ABCB7: variants seen among roughly 807,000 people sequenced by gnomAD.
ABCB7 encodes the protein ATP binding cassette subfamily B member 7, also known as iron-sulfur clusters transporter ABCB7, mitochondrial.
A neutral mutation model predicts 54.4 loss-of-function variants in ABCB7; 7 were observed. That is an observed-to-expected ratio of 0.13 (90% confidence interval 0.07 to 0.24). The LOEUF is 0.24. ABCB7 is among the 10% of genes least tolerant of loss of function. ABCB7 has a pLI of 1.00. For synonymous variants in ABCB7, 218 were observed against 207.1 expected, an observed-to-expected ratio of 1.05 and a Z score of -0.45; for missense variants, 356 against 570.4, an observed-to-expected ratio of 0.62 and a Z score of 3.83.
intron 1 of ABCB7, among the ~76,000 whole-genome samples, chrX:75,117,381 G>A (rs1370173642): frequency 1.8e-5 from 2 of 110,958 alleles, no homozygotes; most frequent in African/African-American, 6.6e-5. Context: ...CTGACTTTGG[G>A]TAGGTCGGGT....
intron 4 of ABCB7, among the ~76,000 whole-genome samples, chrX:75,090,124 G>C (rs1387044046): frequency 1.8e-5 from 2 of 109,166 alleles, no homozygotes; most frequent in African/African-American, 3.3e-5. Flanking sequence ...TGATAGAATG[G>C]CAAGGAAAAA....
At chrX:75,104,449 T>C (rs1362352467) in intron 3 of ABCB7, among the ~76,000 whole-genome samples, 1 of 108,903 alleles carries the variant, frequency 9.2e-6, no homozygotes, top group African/African-American at 3.3e-5. Context: ...CTAGAGGAAA[T>C]ATATAAATTT....
intron 1 of ABCB7, among the ~76,000 whole-genome samples, chrX:75,141,173 C>A (rs371460979): frequency 2.7e-5 from 3 of 111,866 alleles, no homozygotes; most frequent in East Asian, 2.8e-4. Context: ...CAGGTTCTGG[C>A]AGCTGCTTCG....
intron 1 of ABCB7, among the ~76,000 whole-genome samples, chrX:75,144,060 T>A (rs5981775): frequency 0.029 from 3,220 of 111,679 alleles, 115 homozygotes; most frequent in African/African-American, 0.1. Context: ...GTGACAAATC[T>A]TGACAATGCT....
At chrX:75,062,872 G>A (rs1013084106) in intron 13 of ABCB7, among the ~76,000 whole-genome samples, 1 of 111,394 alleles carries the variant, frequency 9.0e-6, no homozygotes, top group Admixed American at 9.6e-5. Flanking sequence ...AACTGAATTC[G>A]TCTCTTAAGA....
At chrX:75,084,016 G>A (rs751216715) in intron 4 of ABCB7, among the ~76,000 whole-genome samples, 1 of 110,957 alleles carries the variant, frequency 9.0e-6, no homozygotes, top group East Asian at 2.8e-4. Flanking sequence ...AAGTAGGAGA[G>A]TCAAAGTTGA....
At chrX:75,147,149 T>A (rs1454983630) in intron 1 of ABCB7, among the ~76,000 whole-genome samples, 1 of 111,018 alleles carries the variant, frequency 9.0e-6, no homozygotes, top group East Asian at 2.8e-4. Context: ...ATGGCTAGTA[T>A]TAAAAAGTCA....
chrX:75,111,650 G>C (rs1203236863), intron 3 of ABCB7, among the ~76,000 whole-genome samples: 2 of 112,098 alleles, frequency 1.8e-5, no homozygotes. Context: ...ATTCCAATTC[G>C]ATAAAAAGGC....
intron 1 of ABCB7, 81 bp downstream of exon 1, chrX:75,156,024 G>T: frequency 9.2e-7 from 1 of 1,092,851 alleles, no homozygotes; most frequent in Non-Finnish European, 1.2e-6. Context: ...TGCTCTCTCT[G>T]CCCCGAGGTC....
In ABCB7 at chrX:75,104,560, G is replaced by A. The variant is rs190260785; in HGVS notation, c.334-5499C>T. ...AATTGAATCAGTAATAAAAAACCTC[G>A]AAACAAACAAACCCAAAAACCCCAG... is the stretch of plus-strand genomic sequence containing the variant. On this transcript the variant is annotated intron_variant, in intron 3 of 15. Coordinates refer to ENST00000373394, the MANE Select transcript of ABCB7 (RefSeq NM_001271696.3). Among the ~76,000 whole-genome samples the A allele has an allele frequency of 9.1e-5, 10 of 110,332 alleles. No homozygotes were observed. The East Asian group carries it at 2.6e-3, about 28-fold the overall frequency.
rs35020628 is a variant in ABCB7, at chrX:75,052,466, CAAA to C, written c.*901_*903del. The C allele has an allele frequency of 9.0e-5, 5 of 55,303 alleles. No individual in the cohort carries two copies. Among genetic ancestry groups the C allele is most frequent in the Non-Finnish European group, 7.7e-5 (2 of 25,936 alleles). 4.6% of individuals were successfully genotyped at this position (55,303 alleles called of 1,213,427 possible). On this transcript the variant is annotated 3_prime_UTR_variant, in exon 16 of 16. Transcript: ENST00000373394. ...TGGGAGAAAGAGCGAGACTCCGTCT[CAAA>C]AAAAAAAAAAAAAAAATTCTAAGTA...
intron 4 of ABCB7, among the ~76,000 whole-genome samples, chrX:75,086,775 C>T (rs771480002): frequency 1.8e-5 from 2 of 111,449 alleles, no homozygotes; most frequent in South Asian, 7.7e-4. Flanking sequence ...GCACTGGTCA[C>T]GAGGCCCCAC....
intron 1 of ABCB7, among the ~76,000 whole-genome samples, chrX:75,137,367 A>C (rs1239638380): frequency 8.9e-6 from 1 of 112,627 alleles, no homozygotes; most frequent in East Asian, 2.8e-4. Flanking sequence ...ATTACTAAAA[A>C]GTCAAAAAAT....
Position 75,070,488 on chromosome X carries a change from A to G in ABCB7, c.1242T>C (p.Asn414=), listed in dbSNP as rs1412818378. The G allele has an allele frequency of 8.3e-7, 1 of 1,211,045 alleles. No individual in the cohort carries two copies. Among genetic ancestry groups the G allele is most frequent in the East Asian group, 3.0e-5 (1 of 33,780 alleles). Residue 414 remains asparagine, a synonymous_variant, in exon 10 of 16, where the codon AAT becomes AAC. Transcript: ENST00000373394. ...TLTVGDLVMV[N]GLLFQLSLPL... is the part of the protein sequence containing the mutation. ...GTAATGAAAGCTGAAAAAGCAGTCC[A>G]TTCACCATTACTAGATCTCCAACAG...
At chrX:75,071,398 G>A in intron 9 of ABCB7, 111 bp downstream of exon 9, 1 of 882,098 alleles carries the variant, frequency 1.1e-6, no homozygotes, top group Non-Finnish European at 1.7e-6. Flanking sequence ...CCAAGGATGT[G>A]AAAGCACTTT....
At position 75,076,560 on chromosome X, in the gene ABCB7, T is replaced by C; in HGVS notation, c.548A>G (p.Asn183Ser). 1.7e-6 allele frequency: 2 copies of C among 1,211,271 alleles called. No homozygotes were observed. Among genetic ancestry groups the C allele is most frequent in the Non-Finnish European group, 2.2e-6 (2 of 894,950 alleles). Residue 183 changes from asparagine to serine, a missense_variant, in exon 5 of 16, where the codon AAT becomes AGT. Physicochemically the swap from Asn to Ser is conservative, Grantham distance 46. Transcript: ENST00000373394. ...GNMLNLSDAPNTVATMATAVL... is the reference protein window; with the variant it reads ...GNMLNLSDAPSTVATMATAVL... ...TGCTGTTGCCATGGTTGCAACTGTA[T>C]TTGGTGCATCACTCAGGTTCAGCAT...
At chrX:75,115,791 G>GT (rs1569237965) in intron 1 of ABCB7, among the ~76,000 whole-genome samples, 2 of 107,526 alleles carry the variant, frequency 1.9e-5, no homozygotes, top group African/African-American at 6.8e-5. Flanking sequence ...TGTGTTGGGG[G>GT]GGGGGGCACG....
At chrX:75,081,366 A>G (rs188189183) in intron 4 of ABCB7, among the ~76,000 whole-genome samples, 125 of 111,816 alleles carry the variant, frequency 1.1e-3, no homozygotes, top group African/African-American at 3.7e-3. Context: ...TAAAGGATAT[A>G]AAGAACCAAA....
At chrX:75,142,886 G>A (rs1449533071) in intron 1 of ABCB7, among the ~76,000 whole-genome samples, 3 of 112,337 alleles carry the variant, frequency 2.7e-5, no homozygotes, top group Admixed American at 1.9e-4. Flanking sequence ...GCCAAATGGC[G>A]GGTGCCCAAT....
Sources: allele counts gnomAD v4.1 joint callset (sites outside exome capture counted in the v4.1 genomes callset), GRCh38; gene constraint gnomAD v4.1.1; transcripts MANE v1.5; gene names NCBI Gene and HGNC (gene_info 2026-07-23, HGNC 2026-07-21).